The following HLA-DPB1 variants were observed in gnomAD, a reference collection of about 807,000 sequenced individuals.
HLA-DPB1 encodes the protein major histocompatibility complex, class II, DP beta 1.
Under a neutral mutation model 29.4 loss-of-function variants are expected in HLA-DPB1, and 30 were observed. That is an observed-to-expected ratio of 1.02 (90% CI 0.76 to 1.38). The LOEUF (loss-of-function observed/expected upper bound fraction) is 1.38, where lower values mean the gene tolerates loss of function less well. Among genes scored for constraint, HLA-DPB1 ranks in the 40% most tolerant of loss-of-function variants. The pLI is 0.00. For missense variants in HLA-DPB1, 261 were observed against 327.5 expected (o/e 0.80, Z 1.57); for synonymous variants, 114 against 134.0 (o/e 0.85, Z 1.03).
rs147715705 is a variant in HLA-DPB1 at position 33,083,304 on chromosome 6, G to T, written c.365-1646G>T. 3.1e-3 allele frequency among the ~76,000 whole-genome samples: 476 copies of T among 152,298 alleles called. 7 individuals carry two copies. Among genetic ancestry groups the T allele is most frequent in the African/African-American group, 0.01 (420 of 41,540 alleles). ...ATTTGTGTTCTCCAGGAAGTAGAAA[G>T]GAAAGAACTGAGTGATTAGGGACCT... On this transcript the variant is annotated intron_variant, in intron 2 of 5. Transcript: ENST00000418931.
chr6:33,077,869 T>C (rs1412736034), intron 1 of HLA-DPB1, among the ~76,000 whole-genome samples: 1 of 151,302 alleles, frequency 6.6e-6, no homozygotes, highest in Non-Finnish European at 1.5e-5. Flanking sequence ...CTAAAACCTC[T>C]TATCTATTAC....
rs1763232171 is a variant in HLA-DPB1, at chr6:33,088,885, G to A, written c.*2351G>A. Among the ~76,000 whole-genome samples, 1 of 152,102 alleles carries A rather than the reference G, an allele frequency of 6.6e-6. No individual in the cohort carries two copies. The highest frequency in any genetic ancestry group is 2.4e-5 in the African/African-American group (1 of 41,394). On this transcript the variant is annotated 3_prime_UTR_variant, in exon 6 of 6. Transcript: ENST00000418931. ...AGAAGAAAAAACCCGGCGGGCTTAG[G>A]ACTCCCAGCTGAGTGTTGTATCCTC...
intron 3 of HLA-DPB1, among the ~76,000 whole-genome samples, 160 bp from the exon 4 acceptor site, chr6:33,085,619 A>G (rs9277465): frequency 0.25 from 38,341 of 152,090 alleles, 5,238 homozygotes; most frequent in East Asian, 0.63. Context: ...CCCCTGTTCC[A>G]GATATGAGGG....
Position 33,076,091 on chromosome 6 carries a change from C to T in HLA-DPB1, c.50C>T (p.Ala17Val). Residue 17 changes from alanine to valine, a missense_variant, in exon 1 of 6, where the codon GCG (alanine) becomes GTG (valine). Transcript: ENST00000418931. Reference sequence around the variant, plus strand: ...GCCCCCCGGACAGTGGCTCTGACGGCGTTACTGATGGTGCTGCTCACATCT... The same window carrying T: ...GCCCCCCGGACAGTGGCTCTGACGGTGTTACTGATGGTGCTGCTCACATCT... ...SAAPRTVALTALLMVLLTSVV... is the reference protein window; with the variant it reads ...SAAPRTVALTVLLMVLLTSVV... 1 of 1,612,426 alleles carries T rather than the reference C, an allele frequency of 6.2e-7. No homozygotes were observed. The highest frequency in any genetic ancestry group is 8.5e-7 in the Non-Finnish European group (1 of 1,179,802).
Position 33,080,514 on chromosome 6 carries a change from C to T in HLA-DPB1, c.101-158C>T, listed in dbSNP as rs967951653. 9.3e-7 allele frequency: 1 copy of T among 1,070,706 alleles called. No homozygotes were observed. Among genetic ancestry groups the T allele is most frequent in the Non-Finnish European group, 1.4e-6 (1 of 709,828 alleles). 66.3% of individuals were successfully genotyped at this position (1,070,706 alleles called of 1,614,324 possible). ...ACAGGCCTGGAGAGGCTCTGCGACCCGCTTAGGACCACAGAACTCGGTACT... is the reference window on the plus strand; with the variant it reads ...ACAGGCCTGGAGAGGCTCTGCGACCTGCTTAGGACCACAGAACTCGGTACT... On this transcript the variant is annotated intron_variant, in intron 1 of 5. Transcript: ENST00000418931. The surrounding 1 kb of genome is among the most constrained non-coding windows in gnomAD (Gnocchi z 4.3).
In HLA-DPB1 at chr6:33,086,638, G is replaced by T; in HGVS notation, c.*104G>T. ...AGGACAGACCTTCAACTTCCAAATT[G>T]GATACTGCTGCCAAGAAGTTGCTCT... On this transcript the variant is annotated 3_prime_UTR_variant, in exon 6 of 6. Transcript: ENST00000418931. 2.0e-6 allele frequency: 1 copy of T among 498,560 alleles called. No individual in the cohort carries two copies. The highest frequency in any genetic ancestry group is 4.0e-6 in the Non-Finnish European group (1 of 252,454). The allele number at this position is 498,560 out of a possible 1,614,324, so 30.9% of individuals were successfully genotyped here.
chr6:33,081,234 A>G (rs55946092), intron 2 of HLA-DPB1: 17,076 of 411,184 alleles, frequency 0.042, 714 homozygotes, highest in African/African-American at 0.15. Context: ...GCACAAGGGT[A>G]TGGTGTGGAG....
chr6:33,084,559 G>A (rs1763010410), intron 2 of HLA-DPB1, among the ~76,000 whole-genome samples: 1 of 152,082 alleles, frequency 6.6e-6, no homozygotes, highest in Non-Finnish European at 1.5e-5. Flanking sequence ...CCGAGCGGGT[G>A]GATCACTTGA....
intron 2 of HLA-DPB1, 85 bp from the exon 3 acceptor site, chr6:33,084,849 AAAGGAAGGAAGGAAGG>A (rs150519959): frequency 0.18 from 116,420 of 662,956 alleles, 18,783 homozygotes; most frequent in Admixed American, 0.4. Flanking sequence ...GTCTCAAAAA[AAAGGAAGGAAGGAAGG>A]AAGGAAGGAA....
At position 33,080,783 on chromosome 6, in the gene HLA-DPB1, T is replaced by G; in HGVS notation, c.212T>G (p.Val71Gly). ...REEFARFDSD[V>G]GEFRAVTELG... Reference sequence around the variant, plus strand: ...GAGTTCGCGCGCTTCGACAGCGACGTGGGGGAGTTCCGGGCGGTGACGGAG... The same window carrying G: ...GAGTTCGCGCGCTTCGACAGCGACGGGGGGGAGTTCCGGGCGGTGACGGAG... Residue 71 changes from valine (V) to glycine (G), a missense_variant, in exon 2 of 6, where the codon GTG becomes GGG. Val to Gly is a moderately radical substitution (Grantham distance 109, BLOSUM62 -3). Coordinates refer to ENST00000418931, the MANE Select transcript of HLA-DPB1 (RefSeq NM_002121.6). The surrounding 1 kb of genome is among the most constrained non-coding windows in gnomAD (Gnocchi z 4.3). The G allele has an allele frequency of 6.2e-7, 1 of 1,613,310 alleles. No homozygotes were observed. Among genetic ancestry groups the G allele is most frequent in the Non-Finnish European group, 8.5e-7 (1 of 1,179,746 alleles).
At chr6:33,081,728 CG>C (rs1762877676) in intron 2 of HLA-DPB1, among the ~76,000 whole-genome samples, 1 of 152,096 alleles carries the variant, frequency 6.6e-6, no homozygotes, top group Non-Finnish European at 1.5e-5. Flanking sequence ...GCATCCTCCT[CG>C]GGGCTGAGAT....
Position 33,086,200 on chromosome 6 carries a change from C to T in HLA-DPB1, c.758-19C>T, listed in dbSNP as rs1763092000. On this transcript the variant is annotated intron_variant, in intron 4 of 5. Coordinates refer to ENST00000418931, the MANE Select transcript of HLA-DPB1 (RefSeq NM_002121.6). ...TGGTTTCAATGGCTGATTATATAAC[C>T]TTTCGTCTTTCATTTCAGTTCAACG... 6.4e-7 allele frequency: 1 copy of T among 1,561,998 alleles called. No homozygotes were observed. Among genetic ancestry groups the T allele is most frequent in the East Asian group, 2.3e-5 (1 of 44,100 alleles).
chr6:33,078,811 C>T (rs2150369873), intron 1 of HLA-DPB1, among the ~76,000 whole-genome samples: 1 of 152,214 alleles, frequency 6.6e-6, no homozygotes, highest in East Asian at 1.9e-4. Context: ...AAAACGTTCT[C>T]TTACTGGTGA....
chr6:33,085,702 C>A, intron 3 of HLA-DPB1, 77 bp from the exon 4 acceptor site: 1 of 994,210 alleles, frequency 1.0e-6, no homozygotes, highest in Non-Finnish European at 1.6e-6. Flanking sequence ...CTGCATCAGG[C>A]TCCAGAATCT....
rs960130820 is a variant in HLA-DPB1 at position 33,086,952 on chromosome 6, A to C, written c.*418A>C. On this transcript the variant is annotated 3_prime_UTR_variant, in exon 6 of 6. Transcript: ENST00000418931. ...TATAATGGGGCCTGTTACACATGACACTCTTCTGAATTGACTGTATTTCAG... is the reference window on the plus strand; with the variant it reads ...TATAATGGGGCCTGTTACACATGACCCTCTTCTGAATTGACTGTATTTCAG... 3.9e-5 allele frequency: 9 copies of C among 231,202 alleles called. No homozygotes were observed. The highest frequency in any genetic ancestry group is 7.1e-5 in the African/African-American group (3 of 42,036). The allele number at this position is 231,202 out of a possible 1,614,324, so 14.3% of individuals were successfully genotyped here.
chr6:33,089,468 C>T lies in HLA-DPB1; in HGVS notation c.*2934C>T, dbSNP rs2150381744. 6.6e-6 allele frequency among the ~76,000 whole-genome samples: 1 copy of T among 152,302 alleles called. No homozygotes were observed. The highest frequency in any genetic ancestry group is 2.1e-4 in the South Asian group (1 of 4,828). ...GTACTCAGGAAGTCAGGCTGACAGT[C>T]TTTCTCCTGCACATCTGCTCCCAGA... On this transcript the variant is annotated 3_prime_UTR_variant, in exon 6 of 6. Coordinates refer to ENST00000418931, the MANE Select transcript of HLA-DPB1 (RefSeq NM_002121.6).
At chr6:33,078,121 G>GGAAACCCA (rs1762643692) in intron 1 of HLA-DPB1, among the ~76,000 whole-genome samples, 1 of 152,038 alleles carries the variant, frequency 6.6e-6, no homozygotes, top group Non-Finnish European at 1.5e-5. Flanking sequence ...GAGCCACCAA[G>GGAAACCCA]GAAACCCAGA....
intron 1 of HLA-DPB1, 50 bp downstream of exon 1, chr6:33,076,191 C>T: frequency 7.9e-7 from 1 of 1,258,356 alleles, no homozygotes; most frequent in Non-Finnish European, 1.1e-6. Flanking sequence ...GGAACAATTC[C>T]TAGGGGACGT....
At chr6:33,081,818 C>G (rs1209628107) in intron 2 of HLA-DPB1, among the ~76,000 whole-genome samples, 1 of 152,030 alleles carries the variant, frequency 6.6e-6, no homozygotes, top group Non-Finnish European at 1.5e-5. Flanking sequence ...TTCAGGAAGT[C>G]TGGGTGTAAA....
Sources: gnomAD v4.1 joint callset for allele counts (sites outside exome capture counted in the v4.1 genomes callset) on GRCh38, gnomAD v4.1.1 for gene constraint, Gnocchi (gnomAD v3.1) non-coding constraint, MANE v1.5 for transcripts, NCBI Gene and HGNC (gene_info 2026-07-23, HGNC 2026-07-21) for gene names.